Variants in TRANK1 observed in about 807,000 individuals in gnomAD.
TRANK1 encodes the protein TPR and ankyrin repeat-containing protein 1.
Under a neutral mutation model 266.0 loss-of-function variants are expected in TRANK1, and 198 were observed. The ratio of observed to expected loss-of-function variants is 0.74; its 90% CI spans 0.66 to 0.84. The LOEUF is 0.84. Ranked by LOEUF, TRANK1 falls within the 40% of genes least tolerant of loss-of-function variation. The pLI, the probability that TRANK1 is intolerant of heterozygous loss-of-function variation, is 0.00. For synonymous variants in TRANK1, 1,396 were observed against 1,384.1 expected (o/e 1.01, Z -0.19); for missense variants, 3,326 against 3,634.6 (o/e 0.92, Z 2.18).
chr3:36,858,735 A>C lies in TRANK1; in HGVS notation c.1655T>G (p.Ile552Ser), dbSNP rs899851026. ...GGGCTTACCTTTAATCTCTAGAAAGATGTGGAGTGCTGCATGCAAAGGAGT... is the reference window on the plus strand; with the variant it reads ...GGGCTTACCTTTAATCTCTAGAAAGCTGTGGAGTGCTGCATGCAAAGGAGT... ...GDTPLHAALHIFLEIKADIGF... is the reference protein window; with the variant it reads ...GDTPLHAALHSFLEIKADIGF... The change falls in exon 12 of 24, where the codon ATC becomes AGC. Residue 552 changes from isoleucine (I) to serine (S), a missense_variant. Physicochemically the swap from Ile to Ser is moderately radical, Grantham distance 142. Coordinates refer to ENST00000645898, the MANE Select transcript of TRANK1 (RefSeq NM_001329998.2). The C allele has an allele frequency of 2.6e-6, 4 of 1,532,780 alleles. No individual in the cohort carries two copies. The highest frequency in any genetic ancestry group is 2.6e-6 in the Non-Finnish European group (3 of 1,144,636). The allele number at this position is 1,532,780 out of a possible 1,614,324, so 94.9% of individuals were successfully genotyped here.
chr3:36,925,890 T>A (rs1432882507), intron 1 of TRANK1, among the ~76,000 whole-genome samples: 2 of 152,146 alleles, frequency 1.3e-5, no homozygotes, highest in African/African-American at 4.8e-5. Context: ...GGCCGTTGAA[T>A]CTTATTCTTA....
chr3:36,828,420 G>T, intron 23 of TRANK1, 45 bp from the exon 24 acceptor site: 1 of 887,154 alleles, frequency 1.1e-6, no homozygotes, highest in Non-Finnish European at 1.8e-6. Context: ...AAAGAAGGGA[G>T]GGAGGGAGGG....
intron 14 of TRANK1, 31 bp downstream of exon 14, chr3:36,852,115 A>G (rs750417649): frequency 6.5e-7 from 1 of 1,545,358 alleles, no homozygotes; most frequent in African/African-American, 1.4e-5. Flanking sequence ...ACTGTCTTTT[A>G]TTTCAAAACA....
chr3:36,912,240 C>T (rs62245259), intron 1 of TRANK1, among the ~76,000 whole-genome samples: 1 of 151,210 alleles, frequency 6.6e-6, no homozygotes, highest in Admixed American at 6.6e-5. Context: ...CTATTTTGCA[C>T]ATAAGGAAAG....
chr3:36,911,097 A>G (rs1322314330), intron 1 of TRANK1, among the ~76,000 whole-genome samples: 1 of 152,202 alleles, frequency 6.6e-6, no homozygotes, highest in Non-Finnish European at 1.5e-5. Flanking sequence ...TTGTAAAAGA[A>G]CATTTAATGA....
At position 36,855,998 on chromosome 3, in the gene TRANK1, G is replaced by A. The variant is rs2079046975; in HGVS notation, c.3724C>T (p.Leu1242=). ...LQDLRDENFP[L]FVTSKQLLLL... ...AGCAGCTGCTTGGAAGTGACAAACA[G>A]AGGAAAGTTCTCGTCCCTCAGGTCC... The change falls in exon 13 of 24, where the codon CTG becomes TTG. Residue 1242 remains leucine (L), a synonymous_variant. Transcript: ENST00000645898. 6.2e-7 allele frequency: 1 copy of A among 1,613,768 alleles called. No homozygotes were observed. The highest frequency in any genetic ancestry group is 8.5e-7 in the Non-Finnish European group (1 of 1,179,870).
At chr3:36,874,095 C>G (rs2079350376) in intron 9 of TRANK1, 31 bp downstream of exon 9, 1 of 1,515,032 alleles carries the variant, frequency 6.6e-7, no homozygotes, top group Admixed American at 2.1e-5. Context: ...AGTTTTATGC[C>G]CCCCAAAAGT....
At chr3:36,868,254 C>G (rs2079256675) in intron 9 of TRANK1, among the ~76,000 whole-genome samples, 1 of 152,176 alleles carries the variant, frequency 6.6e-6, no homozygotes, top group African/African-American at 2.4e-5. Context: ...GTGACCAAAA[C>G]TATGCCTTAG....
intron 20 of TRANK1, among the ~76,000 whole-genome samples, chr3:36,836,600 G>A (rs887171104): frequency 2.0e-5 from 3 of 152,216 alleles, no homozygotes; most frequent in African/African-American, 7.2e-5. Flanking sequence ...ATGGAAACTG[G>A]TTGTGAAGAA....
chr3:36,942,788 G>C (rs768104026), intron 1 of TRANK1, among the ~76,000 whole-genome samples: 3 of 151,792 alleles, frequency 2.0e-5, no homozygotes, highest in Non-Finnish European at 4.4e-5. Flanking sequence ...TCATACTCTG[G>C]GAGAGCGGCG....
intron 8 of TRANK1, among the ~76,000 whole-genome samples, chr3:36,879,920 G>GTAAATATATAAATATATA (rs2079486979): frequency 7.3e-5 from 2 of 27,404 alleles, no homozygotes; most frequent in Admixed American, 4.8e-4. Flanking sequence ...GCAAATATAT[G>GTAAATATATAAATATATA]TAAACATGCA....
At chr3:36,917,459 G>A (rs2080142234) in intron 1 of TRANK1, among the ~76,000 whole-genome samples, 1 of 152,306 alleles carries the variant, frequency 6.6e-6, no homozygotes, top group East Asian at 1.9e-4. Context: ...GAGGAGGCAG[G>A]AGACACAGAG....
Position 36,899,175 on chromosome 3 carries a change from C to A in TRANK1, c.367G>T (p.Val123Leu). 2.0e-6 allele frequency: 3 copies of A among 1,537,276 alleles called. No individual in the cohort carries two copies. The highest frequency in any genetic ancestry group is 2.6e-6 in the Non-Finnish European group (3 of 1,146,924). Reference sequence around the variant, plus strand: ...GGTGCCTGGTCTTGGCTTCTCTGCACAAGTCGCAGACCCTCAAAAAACATG... The same window carrying A: ...GGTGCCTGGTCTTGGCTTCTCTGCAAAAGTCGCAGACCCTCAAAAAACATG... ...ARMFFEGLRL[V>L]QRSQDQAPVA... Residue 123 changes from valine (V) to leucine (L), a missense_variant, in exon 4 of 24, where the codon GTG becomes TTG. Coordinates refer to ENST00000645898, the MANE Select transcript of TRANK1 (RefSeq NM_001329998.2).
chr3:36,842,471 T>C (rs758446954), intron 18 of TRANK1, 151 bp downstream of exon 18: 11 of 688,284 alleles, frequency 1.6e-5, no homozygotes, highest in Non-Finnish European at 2.3e-5. Context: ...GAAGCTCTCC[T>C]CATCTTGAGG....
chr3:36,860,842 C>T, intron 11 of TRANK1, 64 bp downstream of exon 11: 1 of 1,520,382 alleles, frequency 6.6e-7, no homozygotes, highest in Non-Finnish European at 8.8e-7. Context: ...CAGGCAGTGG[C>T]CTGGACTCCA....
intron 18 of TRANK1, among the ~76,000 whole-genome samples, chr3:36,841,832 T>C (rs559810558): frequency 1.3e-5 from 2 of 151,856 alleles, no homozygotes; most frequent in African/African-American, 2.4e-5. Flanking sequence ...GGAATGAGAC[T>C]GGGCCCATGT....
chr3:36,934,251 CCTTA>C, intron 1 of TRANK1, among the ~76,000 whole-genome samples: 1 of 152,178 alleles, frequency 6.6e-6, no homozygotes, highest in East Asian at 1.9e-4. Flanking sequence ...AGGGTTGCAG[CCTTA>C]CTTCCTACCC....
chr3:36,940,139 C>G (rs2080476966), intron 1 of TRANK1, among the ~76,000 whole-genome samples: 1 of 151,740 alleles, frequency 6.6e-6, no homozygotes, highest in Non-Finnish European at 1.5e-5. Flanking sequence ...CCCGCCTCAG[C>G]CTCCCAAACT....
At chr3:36,845,859 C>T (rs1372355591) in intron 17 of TRANK1, among the ~76,000 whole-genome samples, 2 of 152,148 alleles carry the variant, frequency 1.3e-5, no homozygotes, top group African/African-American at 4.8e-5. Context: ...ATTTTGAACA[C>T]AAATATCTCA....
Sources: gnomAD v4.1 joint callset for allele counts (sites outside exome capture counted in the v4.1 genomes callset) on GRCh38, gnomAD v4.1.1 for gene constraint, MANE v1.5 for transcripts, NCBI Gene and HGNC (gene_info 2026-07-23, HGNC 2026-07-21) for gene names.